The following NLGN4X variants were observed in gnomAD, a reference collection of about 807,000 sequenced individuals.
The protein encoded by NLGN4X is neuroligin 4 X-linked.
Under a neutral mutation model 40.3 loss-of-function variants are expected in NLGN4X, and 3 were observed. The observed-to-expected ratio is 0.07, with a 90% CI of 0.03 to 0.19. The LOEUF (loss-of-function observed/expected upper bound fraction) is 0.19. NLGN4X is among the 10% of genes least tolerant of loss of function. The pLI is 1.00. For synonymous variants in NLGN4X, 270 were observed against 306.8 expected (o/e 0.88, Z 1.25); for missense variants, 382 against 708.3 (o/e 0.54, Z 5.23).
chrX:6,019,436 C>T (rs911793387), intron 3 of NLGN4X, among the ~76,000 whole-genome samples: 3 of 111,555 alleles, frequency 2.7e-5, no homozygotes, highest in African/African-American at 9.8e-5. Context: ...GCATGCACTG[C>T]ATAATAATCA....
At chrX:6,003,193 C>T (rs2036015611) in intron 3 of NLGN4X, among the ~76,000 whole-genome samples, 1 of 111,606 alleles carries the variant, frequency 9.0e-6, no homozygotes, top group Admixed American at 9.5e-5. Flanking sequence ...GGAACAAAGA[C>T]AGCACTTGTC....
intron 3 of NLGN4X, among the ~76,000 whole-genome samples, chrX:6,003,444 T>C (rs2036021904): frequency 9.0e-6 from 1 of 111,432 alleles, no homozygotes; most frequent in Non-Finnish European, 1.9e-5. Flanking sequence ...ACCTTCGTTG[T>C]ACTTTTTAGA....
At chrX:5,944,675 A>G (rs1301853263) in intron 3 of NLGN4X, among the ~76,000 whole-genome samples, 1 of 106,347 alleles carries the variant, frequency 9.4e-6, no homozygotes, top group Non-Finnish European at 1.9e-5. Context: ...AAAAAAAAAG[A>G]AGAAGAAATT....
At chrX:6,003,834 C>G (rs1220357766) in intron 3 of NLGN4X, among the ~76,000 whole-genome samples, 1 of 111,988 alleles carries the variant, frequency 8.9e-6, no homozygotes, top group Non-Finnish European at 1.9e-5. Flanking sequence ...TGTAACACTT[C>G]CTCTGGGTCT....
intron 3 of NLGN4X, among the ~76,000 whole-genome samples, chrX:5,995,642 A>G (rs2035796773): frequency 8.9e-6 from 1 of 112,497 alleles, no homozygotes; most frequent in Admixed American, 9.4e-5. Context: ...TATGAATTTT[A>G]GTAGCCATGA....
chrX:6,178,792 T>C (rs1236344104), intron 1 of NLGN4X, among the ~76,000 whole-genome samples: 1 of 111,822 alleles, frequency 8.9e-6, no homozygotes. Context: ...CACGGACTTA[T>C]GCTAAAAGTA....
chrX:6,035,073 T>C (rs888034134), intron 2 of NLGN4X, among the ~76,000 whole-genome samples: 1 of 112,301 alleles, frequency 8.9e-6, no homozygotes, highest in African/African-American at 3.2e-5. Flanking sequence ...TCTTCTCATG[T>C]ACACTGTCTT....
In NLGN4X at chrX:6,026,997, T is replaced by C. The variant is rs774370234; in HGVS notation, c.625+2283A>G. Among the ~76,000 whole-genome samples, 9 of 111,903 alleles carry C rather than the reference T, an allele frequency of 8.0e-5. No homozygotes were observed. In the East Asian group the frequency reaches 2.5e-3, roughly 32 times the overall value. On this transcript the variant is annotated intron_variant, in intron 3 of 5. Transcript: ENST00000381095. The stretch of plus-strand genomic sequence containing the variant: ...AGGAGATCAATTTATTTTGAAACTC[T>C]ATCTTATCAGACACATCAATTCATC...
Position 5,892,761 on chromosome X carries a change from T to C in NLGN4X, c.*56A>G, listed in dbSNP as rs927909199. 1 of 1,188,624 alleles carries C rather than the reference T, an allele frequency of 8.4e-7. No homozygotes were observed. On this transcript the variant is annotated 3_prime_UTR_variant, in exon 6 of 6. Coordinates refer to ENST00000381095, the MANE Select transcript of NLGN4X (RefSeq NM_181332.3). Reference sequence around the variant, plus strand: ...CTCTTTCCTTCTCTCTTTCCTTCCCTCTTCTATGTTGCTGAGCGGGTAGGG... The same window carrying C: ...CTCTTTCCTTCTCTCTTTCCTTCCCCCTTCTATGTTGCTGAGCGGGTAGGG...
At chrX:5,926,107 C>T (rs988844000) in intron 3 of NLGN4X, among the ~76,000 whole-genome samples, 1 of 103,390 alleles carries the variant, frequency 9.7e-6, no homozygotes, top group South Asian at 4.7e-4. Context: ...ATGGTGTTCT[C>T]GTGGTAGTGA....
chrX:6,122,821 A>G (rs1399858079), intron 2 of NLGN4X, among the ~76,000 whole-genome samples: 1 of 107,006 alleles, frequency 9.3e-6, no homozygotes, highest in African/African-American at 3.4e-5. Flanking sequence ...ACCGGGGAGA[A>G]GAAATGAAAT....
rs752651404 is a variant in NLGN4X, at chrX:6,169,473, G to C, written c.-305-17702C>G. ...TCAATCCCCTTCACTTTGAAGCTTG[G>C]CAAAGGCCAAATTATAATGAAAGAA... On this transcript the variant is annotated intron_variant, in intron 1 of 5. Transcript: ENST00000381095. Among the ~76,000 whole-genome samples the C allele has an allele frequency of 2.7e-5, 3 of 112,931 alleles. No homozygotes were observed. The Admixed American group carries it at 2.8e-4, about 11-fold the overall frequency.
intron 3 of NLGN4X, among the ~76,000 whole-genome samples, chrX:6,006,121 AG>A (rs1448001901): frequency 9.0e-6 from 1 of 111,214 alleles, no homozygotes; most frequent in African/African-American, 3.3e-5. Flanking sequence ...AGTTTCTACT[AG>A]GGGAAGTGCC....
chrX:6,008,327 A>ATAAC (rs1442972656), intron 3 of NLGN4X, among the ~76,000 whole-genome samples: 7 of 112,265 alleles, frequency 6.2e-5, no homozygotes, highest in African/African-American at 2.3e-4. Flanking sequence ...TCAAATGAAA[A>ATAAC]ATAGATAAAC....
intron 2 of NLGN4X, among the ~76,000 whole-genome samples, chrX:6,143,764 T>C (rs1360634922): frequency 1.8e-5 from 2 of 112,019 alleles, no homozygotes; most frequent in African/African-American, 3.2e-5. Context: ...GATGAAAGGA[T>C]CACTTGAGGC....
At chrX:6,218,122 C>T (rs1488544999) in intron 1 of NLGN4X, among the ~76,000 whole-genome samples, 1 of 111,057 alleles carries the variant, frequency 9.0e-6, no homozygotes, top group Admixed American at 9.7e-5. Flanking sequence ...CATGTTAAGG[C>T]TTCTTCAGCC....
intron 2 of NLGN4X, among the ~76,000 whole-genome samples, chrX:6,119,524 A>G (rs1395184989): frequency 9.0e-6 from 1 of 111,464 alleles, no homozygotes; most frequent in Non-Finnish European, 1.9e-5. Context: ...TTGACCATCT[A>G]TGAGTGGGTA....
intron 2 of NLGN4X, among the ~76,000 whole-genome samples, chrX:6,033,982 A>T (rs1230063443): frequency 2.7e-5 from 3 of 112,623 alleles, no homozygotes; most frequent in Non-Finnish European, 5.6e-5. Context: ...AAATACTGTC[A>T]TCTCCAACAC....
chrX:6,007,569 C>A (rs1296673507), intron 3 of NLGN4X, among the ~76,000 whole-genome samples: 1 of 112,122 alleles, frequency 8.9e-6, no homozygotes, highest in African/African-American at 3.2e-5. Flanking sequence ...TTTCTTAAAA[C>A]ACGTATTTTG....
Sources: gnomAD v4.1 joint callset for allele counts (sites outside exome capture counted in the v4.1 genomes callset) on GRCh38, gnomAD v4.1.1 for gene constraint, MANE v1.5 for transcripts, NCBI Gene and HGNC (gene_info 2026-07-23, HGNC 2026-07-21) for gene names.